Variants in FAM217B observed in about 807,000 individuals in gnomAD.
FAM217B encodes family with sequence similarity 217 member B.
For synonymous variants in FAM217B, 163 were observed against 173.0 expected (o/e 0.94, Z 0.45); for missense variants, 463 against 456.9 (o/e 1.01, Z -0.12).
At chr20:59,943,149 C>A (rs2060914721) in intron 3 of FAM217B, among the ~76,000 whole-genome samples, 1 of 152,166 alleles carries the variant, frequency 6.6e-6, no homozygotes, top group Admixed American at 6.5e-5. Flanking sequence ...ATATTTTCAA[C>A]TCTGATGTGA....
upstream of FAM217B, among the ~76,000 whole-genome samples, chr20:59,936,424 G>C (rs186688708): frequency 1.3e-5 from 2 of 152,226 alleles, no homozygotes; most frequent in African/African-American, 2.4e-5. Context: ...CAAAATAAAT[G>C]TAAGTTTTCT....
At position 59,948,453 on chromosome 20, in the gene FAM217B, A is replaced by G. The variant is rs1189937791; in HGVS notation, c.*3358A>G. The stretch of plus-strand genomic sequence containing the variant: ...TATGGAGTAGTTACATAGAAATATA[A>G]CTCTTGGTGGTACTGTATTTTAAGG... On this transcript the variant is annotated 3_prime_UTR_variant, in exon 4 of 4. Coordinates refer to ENST00000360816, the MANE Select transcript of FAM217B (RefSeq NM_022106.3). The G allele has an allele frequency of 1.2e-5, 2 of 165,252 alleles. No individual in the cohort carries two copies. Among genetic ancestry groups the G allele is most frequent in the Admixed American group, 1.3e-4 (2 of 15,140 alleles). 10.2% of individuals were successfully genotyped at this position (165,252 alleles called of 1,614,324 possible). A position where few individuals can be genotyped will look rare whatever the true frequency, so the allele number is the denominator to read the frequency against.
At position 59,945,188 on chromosome 20, in the gene FAM217B, C is replaced by G; in HGVS notation, c.*93C>G. 3.6e-6 allele frequency: 4 copies of G among 1,097,516 alleles called. No individual in the cohort carries two copies. In the South Asian group the frequency reaches 7.0e-5, roughly 19 times the overall value. The allele number at this position is 1,097,516 out of a possible 1,614,324, so 68.0% of individuals were successfully genotyped here. A position where few individuals can be genotyped will look rare whatever the true frequency, so the allele number is the denominator to read the frequency against. On this transcript the variant is annotated 3_prime_UTR_variant, in exon 4 of 4. Coordinates refer to ENST00000360816, the MANE Select transcript of FAM217B (RefSeq NM_022106.3). ...ATACTGTGAATTTTAAGGAATTTTA[C>G]AAATACTGACATTTAAGTAGTTGAC... is the stretch of plus-strand genomic sequence containing the variant.
chr20:59,937,921 CATG>C (rs1453545344), upstream of FAM217B: 1 of 152,230 alleles, frequency 6.6e-6, no homozygotes, highest in African/African-American at 2.4e-5. Flanking sequence ...CCTGATAAAA[CATG>C]ATGTATGTAA....
rs750139265 is a variant in FAM217B, at chr20:59,944,157, G to C, written c.214G>C (p.Gly72Arg). The C allele has an allele frequency of 5.0e-6, 8 of 1,614,098 alleles. No homozygotes were observed. In the Admixed American group the frequency reaches 1.3e-4, roughly 27 times the overall value. ...PLGSRCQGAS[G>R]NKLFLDFQSM... Reference sequence around the variant, plus strand: ...CGGTTCCAGGTGTCAGGGGGCCTCAGGGAATAAACTGTTTCTTGATTTTCA... The same window carrying C: ...CGGTTCCAGGTGTCAGGGGGCCTCACGGAATAAACTGTTTCTTGATTTTCA... The change falls in exon 4 of 4, where the codon GGG becomes CGG. Residue 72 changes from glycine (G) to arginine (R), a missense_variant. Gly to Arg is a moderately radical substitution (Grantham distance 125). Coordinates refer to ENST00000360816, the MANE Select transcript of FAM217B (RefSeq NM_022106.3).
At chr20:59,939,060 C>G, upstream of FAM217B, 1 of 1,553,540 alleles carries the variant, frequency 6.4e-7, no homozygotes, top group Non-Finnish European at 8.7e-7. Flanking sequence ...GCTCTCTTCG[C>G]ACTCCCCGCG....
At chr20:59,939,221 G>A (rs779708077), upstream of FAM217B, 6 of 1,610,990 alleles carry the variant, frequency 3.7e-6, no homozygotes, top group South Asian at 5.5e-5. Context: ...GAAAGCCGAA[G>A]GTGAAAACGT....
At chr20:59,943,629 C>T (rs547546036) in intron 3 of FAM217B, among the ~76,000 whole-genome samples, 1 of 151,508 alleles carries the variant, frequency 6.6e-6, no homozygotes, top group Admixed American at 6.6e-5. Context: ...AAAGTACACA[C>T]GAAAGTATGA....
chr20:59,947,699 C>T lies in FAM217B; in HGVS notation c.*2604C>T, dbSNP rs117237939. The stretch of plus-strand genomic sequence containing the variant: ...TTGACTATTTTAACCAATATTGTCA[C>T]GACTAGATCATAGCTCCTAGTGAAT... On this transcript the variant is annotated 3_prime_UTR_variant, in exon 4 of 4. Coordinates refer to ENST00000360816, the MANE Select transcript of FAM217B (RefSeq NM_022106.3). 705 of 167,042 alleles carry T rather than the reference C, an allele frequency of 4.2e-3. 3 individuals are homozygous for T. Among genetic ancestry groups the T allele is most frequent in the Middle Eastern group, 0.014 (4 of 296 alleles). 10.3% of individuals were successfully genotyped at this position (167,042 alleles called of 1,614,324 possible). A position where few individuals can be genotyped will look rare whatever the true frequency, so the allele number is the denominator to read the frequency against.
upstream of FAM217B, chr20:59,939,722 C>G (rs2060887564): frequency 4.6e-6 from 6 of 1,291,572 alleles, no homozygotes; most frequent in Non-Finnish European, 4.9e-6. Flanking sequence ...AGCGCGCCCG[C>G]CGCAGGATGA....
chr20:59,939,317 A>G (rs2145946468), upstream of FAM217B: 1 of 1,612,056 alleles, frequency 6.2e-7, no homozygotes, highest in Non-Finnish European at 8.5e-7. Context: ...TGTAGCGCAC[A>G]GCCACCTGCT....
upstream of FAM217B, chr20:59,939,629 GA>G: frequency 6.3e-7 from 1 of 1,582,772 alleles, no homozygotes; most frequent in Non-Finnish European, 8.6e-7. Flanking sequence ...AGCGCACGCG[GA>G]GCTTCTGGCT....
chr20:59,939,446 G>A (rs540042164), upstream of FAM217B: 2 of 1,611,662 alleles, frequency 1.2e-6, no homozygotes, highest in South Asian at 2.2e-5. Context: ...CGGCCTCGAC[G>A]GGCGGCGGGA....
upstream of FAM217B, chr20:59,938,464 C>G (rs1439022454): frequency 1.3e-5 from 2 of 152,392 alleles, no homozygotes; most frequent in Non-Finnish European, 2.9e-5. Flanking sequence ...CGTTGGCAAT[C>G]AGATGTGGGC....
Position 59,944,276 on chromosome 20 carries a change from A to G in FAM217B, c.333A>G (p.Thr111=), listed in dbSNP as rs1482451029. ...TTCCCATTCCTCCTTCTCCCCTCAC[A>G]CCTCCAGATCTCAATCTTCGAGCTG... ...ERIPIPPSPL[T]PPDLNLRAEE... Residue 111 remains threonine (T), a synonymous_variant, in exon 4 of 4, where the codon ACA becomes ACG. Coordinates refer to ENST00000360816, the MANE Select transcript of FAM217B (RefSeq NM_022106.3). 1.2e-6 allele frequency: 2 copies of G among 1,613,636 alleles called. No homozygotes were observed. Among genetic ancestry groups the G allele is most frequent in the Non-Finnish European group, 1.7e-6 (2 of 1,179,958 alleles).
rs779621489 is a variant in FAM217B at position 59,944,177 on chromosome 20, T to A, written c.234T>A (p.Asp78Glu). 1 of 1,614,110 alleles carries A rather than the reference T, an allele frequency of 6.2e-7. No individual in the cohort carries two copies. The highest frequency in any genetic ancestry group is 8.5e-7 in the Non-Finnish European group (1 of 1,180,012). ...CCTCAGGGAATAAACTGTTTCTTGA[T>A]TTTCAGTCAATGAAAATTATTAAAG... ...QGASGNKLFL[D>E]FQSMKIIKEN... The change falls in exon 4 of 4, where the codon GAT becomes GAA. Residue 78 changes from aspartate (D) to glutamate (E), a missense_variant. Asp to Glu is a conservative substitution (Grantham distance 45). Coordinates refer to ENST00000360816, the MANE Select transcript of FAM217B (RefSeq NM_022106.3).
intron 1 of FAM217B, among the ~76,000 whole-genome samples, chr20:59,934,494 A>C (rs1569002517): frequency 6.6e-6 from 1 of 152,166 alleles, no homozygotes; most frequent in Non-Finnish European, 1.5e-5. Flanking sequence ...ACGTGCACTG[A>C]GATGCAGCTC....
At chr20:59,934,133 C>A (rs1371615068) in intron 1 of FAM217B, among the ~76,000 whole-genome samples, 4 of 152,112 alleles carry the variant, frequency 2.6e-5, no homozygotes, top group Non-Finnish European at 1.5e-5. Context: ...ACCAGGGCGC[C>A]GGGCCGACGA....
Position 59,945,218 on chromosome 20 carries a change from A to T in FAM217B, c.*123A>T, listed in dbSNP as rs947436666. On this transcript the variant is annotated 3_prime_UTR_variant, in exon 4 of 4. Coordinates refer to ENST00000360816, the MANE Select transcript of FAM217B (RefSeq NM_022106.3). Reference sequence around the variant, plus strand: ...ACTGACATTTAAGTAGTTGACTGGCATTTTTGTCCACCTTTATTTCTACCC... The same window carrying T: ...ACTGACATTTAAGTAGTTGACTGGCTTTTTTGTCCACCTTTATTTCTACCC... The T allele has an allele frequency of 1.1e-5, 9 of 837,872 alleles. No homozygotes were observed. In the African/African-American group the frequency reaches 1.4e-4, roughly 13 times the overall value. The allele number at this position is 837,872 out of a possible 1,614,324, so 51.9% of individuals were successfully genotyped here. A position where few individuals can be genotyped will look rare whatever the true frequency, so the allele number is the denominator to read the frequency against.
Sources: gnomAD v4.1 joint callset for allele counts (sites outside exome capture counted in the v4.1 genomes callset) on GRCh38, gnomAD v4.1.1 for gene constraint, MANE v1.5 for transcripts, NCBI Gene and HGNC (gene_info 2026-07-23, HGNC 2026-07-21) for gene names.